The following TEX15 variants were observed in gnomAD, a reference collection of about 807,000 sequenced individuals.
TEX15 encodes the protein testis expressed 15, meiosis and synapsis associated, also known as testis-expressed protein 15.
TEX15 carries 171 observed loss-of-function variants against 237.3 expected under a neutral mutation model. The ratio of observed to expected loss-of-function variants is 0.72; its 90% CI spans 0.64 to 0.82. The LOEUF is 0.82. TEX15 is among the 40% of genes least tolerant of loss of function. TEX15 has a pLI of 0.00. For synonymous variants in TEX15, 1,338 were observed against 1,269.8 expected (o/e 1.05, Z -1.14); for missense variants, 3,750 against 3,646.5 (o/e 1.03, Z -0.73).
intron 3 of TEX15, among the ~76,000 whole-genome samples, chr8:30,875,648 G>A (rs1808384581): frequency 1.3e-5 from 2 of 152,168 alleles, no homozygotes; most frequent in Non-Finnish European, 2.9e-5. Context: ...TCCTATGGAA[G>A]TGAACTCAGA....
intron 1 of TEX15, among the ~76,000 whole-genome samples, chr8:30,906,907 GA>G (rs1160888357): frequency 1.3e-5 from 2 of 152,062 alleles, no homozygotes; most frequent in East Asian, 3.9e-4. Context: ...ATTTTCTAGA[GA>G]GAAAAATGGA....
At chr8:30,910,624 T>C (rs911734569) in intron 1 of TEX15, among the ~76,000 whole-genome samples, 1 of 149,822 alleles carries the variant, frequency 6.7e-6, no homozygotes, top group African/African-American at 2.5e-5. Flanking sequence ...TTTTTTTTTT[T>C]TTTTTTTTTG....
intron 1 of TEX15, among the ~76,000 whole-genome samples, chr8:30,912,416 C>A (rs1049963933): frequency 3.2e-4 from 49 of 150,900 alleles, no homozygotes; most frequent in African/African-American, 1.1e-3. Context: ...CTGCTCCGCG[C>A]TGCCTTCTGC....
Position 30,844,187 on chromosome 8 carries a change from TATG to T in TEX15, c.5977_5979del (p.His1993del), listed in dbSNP as rs1243085757. 6.2e-7 allele frequency: 1 copy of T among 1,612,454 alleles called. No individual in the cohort carries two copies. Among genetic ancestry groups the T allele is most frequent in the East Asian group, 2.2e-5 (1 of 44,870 alleles). ...TGAGATAGATTAGCTATAAGGGCCGTATGATTAGCTGAGCAATGTTTTTCTTTA... is the reference window on the plus strand; with the variant it reads ...TGAGATAGATTAGCTATAAGGGCCGTATTAGCTGAGCAATGTTTTTCTTTA... On this transcript the variant is annotated inframe_deletion, in exon 8 of 11. Coordinates refer to ENST00000643185, the MANE Select transcript of TEX15 (RefSeq NM_001350162.2).
intron 1 of TEX15, among the ~76,000 whole-genome samples, chr8:30,907,578 AAATT>A (rs1293266355): frequency 2.9e-5 from 4 of 137,428 alleles, no homozygotes; most frequent in South Asian, 4.3e-4. Flanking sequence ...TATTATATAT[AAATT>A]AATATACATT....
intron 3 of TEX15, among the ~76,000 whole-genome samples, chr8:30,876,288 C>T (rs768633615): frequency 2.6e-5 from 4 of 152,198 alleles, no homozygotes; most frequent in Non-Finnish European, 4.4e-5. Context: ...ATCTGCAGAA[C>T]CCATCTGCCT....
At chr8:30,854,935 ACT>A (rs2128769602) in intron 7 of TEX15, among the ~76,000 whole-genome samples, 1 of 152,244 alleles carries the variant, frequency 6.6e-6, no homozygotes, top group African/African-American at 2.4e-5. Flanking sequence ...TAGTCTAAAA[ACT>A]CTCAATAAAC....
chr8:30,875,467 A>G (rs1383261412), intron 3 of TEX15, among the ~76,000 whole-genome samples: 1 of 152,240 alleles, frequency 6.6e-6, no homozygotes, highest in Non-Finnish European at 1.5e-5. Context: ...AGTAAAGATA[A>G]GGCAATCTGC....
Position 30,837,662 on chromosome 8 carries a change from G to T in TEX15, c.8622C>A (p.Ser2874=), listed in dbSNP as rs2978065. The T allele has an allele frequency of 4.1e-3, 6,644 of 1,614,022 alleles. 23 individuals carry two copies. The highest frequency in any genetic ancestry group is 4.6e-3 in the Middle Eastern group (28 of 6,062). The change falls in exon 10 of 11, where the codon TCC becomes TCA. Residue 2874 remains serine (S), a synonymous_variant. Transcript: ENST00000643185. ...TTTCTGGGTTTATATCAGAAAGGCA[G>T]GATTTTTGGGTGGGATCTGGGGAAT... ...LKNSPDPTQK[S]CLSDINPETD...
intron 1 of TEX15, among the ~76,000 whole-genome samples, chr8:30,905,827 T>C (rs1041931357): frequency 2.0e-5 from 3 of 148,954 alleles, no homozygotes; most frequent in Non-Finnish European, 3.0e-5. Flanking sequence ...TTGCTTGAGC[T>C]CAGAAGGTGG....
intron 2 of TEX15, among the ~76,000 whole-genome samples, chr8:30,889,934 C>T (rs902100471): frequency 1.3e-4 from 16 of 123,310 alleles, no homozygotes; most frequent in Admixed American, 2.6e-4. Flanking sequence ...TAGTTATATA[C>T]ATATATATAT....
chr8:30,878,666 C>A (rs951844633), intron 3 of TEX15, among the ~76,000 whole-genome samples: 2 of 152,114 alleles, frequency 1.3e-5, no homozygotes, highest in Non-Finnish European at 2.9e-5. Context: ...GGAATACATG[C>A]GTGAGCCACT....
chr8:30,853,384 C>T (rs935711698), intron 7 of TEX15, among the ~76,000 whole-genome samples: 1 of 152,152 alleles, frequency 6.6e-6, no homozygotes, highest in African/African-American at 2.4e-5. Context: ...GAATATAGTA[C>T]AATTGGCCCT....
intron 1 of TEX15, among the ~76,000 whole-genome samples, chr8:30,909,210 T>C (rs532409183): frequency 1.3e-5 from 2 of 152,082 alleles, no homozygotes; most frequent in Non-Finnish European, 2.9e-5. Flanking sequence ...AGTAGCTTAA[T>C]TAAACCTCAG....
chr8:30,852,554 T>A (rs1585289249), intron 7 of TEX15, among the ~76,000 whole-genome samples: 2 of 152,314 alleles, frequency 1.3e-5, no homozygotes, highest in East Asian at 3.9e-4. Flanking sequence ...ATTCCCTTTT[T>A]GTTGGCATTC....
Position 30,843,589 on chromosome 8 carries a change from A to G in TEX15, c.6578T>C (p.Val2193Ala). ...CSDCFDFSLSVPFTCGVNFGD... is the reference protein window; with the variant it reads ...CSDCFDFSLSAPFTCGVNFGD... ...AAAGTTAACTCCACAGGTAAATGGA[A>G]CAGAAAGAGAAAAATCAAAGCAATC... The change falls in exon 8 of 11, where the codon GTT becomes GCT. Residue 2193 changes from valine (V) to alanine (A), a missense_variant. Physicochemically the swap from Val to Ala is moderately conservative, Grantham distance 64 (BLOSUM62 0). Transcript: ENST00000643185. 1.2e-6 allele frequency: 2 copies of G among 1,613,106 alleles called. No individual in the cohort carries two copies. The highest frequency in any genetic ancestry group is 1.7e-6 in the Non-Finnish European group (2 of 1,179,726).
At chr8:30,852,957 A>G (rs1807819913) in intron 7 of TEX15, among the ~76,000 whole-genome samples, 1 of 152,234 alleles carries the variant, frequency 6.6e-6, no homozygotes, top group Non-Finnish European at 1.5e-5. Flanking sequence ...ATTTAAATTT[A>G]AAGAGCCACA....
rs1808008550 is a variant in TEX15 at position 30,860,015 on chromosome 8, T to TA, written c.582dup (p.Lys195Ter). On this transcript the variant is annotated frameshift_variant, in exon 6 of 11. Transcript: ENST00000643185. LOFTEE classifies it high-confidence loss of function. ...GAAGGATCCAAAGAAACTTTATTTT[T>TA]ATCCACAGAAGGTTGGATTTTCTTC... 3 of 1,507,146 alleles carry TA rather than the reference T, an allele frequency of 2.0e-6. No homozygotes were observed. Among genetic ancestry groups the TA allele is most frequent in the African/African-American group, 2.8e-5 (2 of 71,030 alleles). 93.4% of individuals were successfully genotyped at this position (1,507,146 alleles called of 1,614,324 possible).
intron 1 of TEX15, among the ~76,000 whole-genome samples, chr8:30,905,175 G>A (rs1264709005): frequency 6.7e-6 from 1 of 149,994 alleles, no homozygotes; most frequent in African/African-American, 2.5e-5. Flanking sequence ...AAATTCTTCA[G>A]AAACTGTTTG....
Sources: allele counts gnomAD v4.1 joint callset (sites outside exome capture counted in the v4.1 genomes callset), GRCh38; gene constraint gnomAD v4.1.1; transcripts MANE v1.5; gene names NCBI Gene and HGNC (gene_info 2026-07-23, HGNC 2026-07-21).